The following ZFPM1 variants were observed in gnomAD, a reference collection of about 807,000 sequenced individuals.
The protein encoded by ZFPM1 is zinc finger protein, FOG family member 1, also known as zinc finger protein ZFPM1.
ZFPM1 carries 28 observed loss-of-function variants against 46.3 expected under a neutral mutation model. That is an observed-to-expected ratio of 0.60 (90% CI 0.45 to 0.83). ZFPM1 has a LOEUF of 0.83. Among genes scored for constraint, ZFPM1 ranks in the 40% least tolerant of loss-of-function variants. The probability of loss-of-function intolerance (pLI) is 0.00; values close to 1 mark genes in which losing one functional copy is unlikely to be tolerated. For synonymous variants in ZFPM1, 957 were observed against 675.9 expected (o/e 1.42, Z -6.45); for missense variants, 1,878 against 1,432.4 (o/e 1.31, Z -5.02).
chr16:88,514,614 G>T, intron 4 of ZFPM1, 94 bp downstream of exon 4: 1 of 1,412,598 alleles, frequency 7.1e-7, no homozygotes, highest in Admixed American at 2.6e-5. Context: ...CAGCTCCGGG[G>T]CTCTGGCCAC....
intron 1 of ZFPM1, among the ~76,000 whole-genome samples, chr16:88,457,761 G>C (rs1223150841): frequency 6.6e-6 from 1 of 152,094 alleles, no homozygotes; most frequent in Admixed American, 6.5e-5. Flanking sequence ...AAAGCACTGG[G>C]GTTCCAGACA....
rs1180185038 is a variant in ZFPM1 at position 88,534,619 on chromosome 16, C to T, written c.2661C>T (p.Gly887=). The T allele has an allele frequency of 7.1e-6, 8 of 1,130,486 alleles. No homozygotes were observed. The highest frequency in any genetic ancestry group is 1.7e-5 in the African/African-American group (1 of 60,082). The allele number at this position is 1,130,486 out of a possible 1,614,324, so 70.0% of individuals were successfully genotyped here. ...TGCTGCTCGGCGCGCCCCTGGCCGGCCCGGGGGTCGAGGCCCGGACGCCGG... is the reference window on the plus strand; with the variant it reads ...TGCTGCTCGGCGCGCCCCTGGCCGGTCCGGGGGTCGAGGCCCGGACGCCGG... ...HGLLLGAPLA[G]PGVEARTPAD... Residue 887 remains glycine (G), a synonymous_variant, in exon 10 of 10, where the codon GGC becomes GGT. Coordinates refer to ENST00000319555, the MANE Select transcript of ZFPM1 (RefSeq NM_153813.3).
At chr16:88,527,004 C>T in intron 5 of ZFPM1, 88 bp downstream of exon 5, 1 of 1,479,680 alleles carries the variant, frequency 6.8e-7, no homozygotes, top group South Asian at 1.4e-5. Context: ...AAAGGGAAAC[C>T]AGCCTGCTAG....
chr16:88,473,038 G>A (rs997877081), intron 1 of ZFPM1, among the ~76,000 whole-genome samples: 9 of 152,256 alleles, frequency 5.9e-5, no homozygotes, highest in African/African-American at 1.9e-4. Flanking sequence ...CAGGCCCTGC[G>A]GCGCTGCCGT....
At chr16:88,520,429 AGATG>A (rs904975701) in intron 4 of ZFPM1, among the ~76,000 whole-genome samples, 3 of 144,316 alleles carry the variant, frequency 2.1e-5, no homozygotes, top group African/African-American at 5.2e-5. Flanking sequence ...ATGGGTGGAT[AGATG>A]GATGGATAGG....
rs537301250 is a variant in ZFPM1, at chr16:88,502,449, T to C, written c.269-11938T>C. 1.9e-3 allele frequency among the ~76,000 whole-genome samples: 282 copies of C among 152,124 alleles called. 1 individual carries two copies. Among genetic ancestry groups the C allele is most frequent in the African/African-American group, 6.7e-3 (277 of 41,524 alleles). On this transcript the variant is annotated intron_variant, in intron 3 of 9. Transcript: ENST00000319555. ...TGCCCCTCCATGTCCCCCAACCCCG[T>C]CCCTGTGCCCTGTGGGCCGCCCGGG...
chr16:88,512,618 T>C (rs904197212), intron 3 of ZFPM1, among the ~76,000 whole-genome samples: 27 of 147,718 alleles, frequency 1.8e-4, no homozygotes, highest in African/African-American at 6.7e-4. Context: ...GCTCCAAGCG[T>C]TTCTGACAGT....
At chr16:88,463,737 C>T (rs961300471) in intron 1 of ZFPM1, among the ~76,000 whole-genome samples, 1 of 152,220 alleles carries the variant, frequency 6.6e-6, no homozygotes, top group Non-Finnish European at 1.5e-5. Flanking sequence ...TCATAGGAGA[C>T]CTTTCCCTGC....
chr16:88,521,693 C>T (rs1318116706), intron 4 of ZFPM1, among the ~76,000 whole-genome samples: 1 of 139,820 alleles, frequency 7.2e-6, no homozygotes, highest in Non-Finnish European at 1.6e-5. Context: ...TTCCCTCCCT[C>T]ATGCTGTTCC....
chr16:88,487,292 A>G (rs545422221), intron 2 of ZFPM1, among the ~76,000 whole-genome samples: 3 of 152,274 alleles, frequency 2.0e-5, no homozygotes, highest in Middle Eastern at 3.4e-3. Flanking sequence ...CCCACACTCC[A>G]CTTGCAGCCC....
chr16:88,476,456 G>A (rs1020705486), intron 1 of ZFPM1, among the ~76,000 whole-genome samples: 2 of 152,060 alleles, frequency 1.3e-5, no homozygotes, highest in Admixed American at 6.5e-5. Context: ...GGCGGCCATC[G>A]TGGGAACTGG....
Position 88,471,019 on chromosome 16 carries a change from G to C in ZFPM1, c.41-14920G>C, listed in dbSNP as rs1055422665. On this transcript the variant is annotated intron_variant, in intron 1 of 9. Transcript: ENST00000319555. The surrounding 1 kb of genome is among the most constrained non-coding windows in gnomAD (Gnocchi z 4.1). ...CCAGTACCTCACCCGGTGGGGTCCA[G>C]CCTCCGCGACAGGCATTCCCTTCCC... Among the ~76,000 whole-genome samples, 1 of 152,162 alleles carries C rather than the reference G, an allele frequency of 6.6e-6. No homozygotes were observed. Among genetic ancestry groups the C allele is most frequent in the Non-Finnish European group, 1.5e-5 (1 of 68,020 alleles).
At chr16:88,527,932 C>A in intron 5 of ZFPM1, 100 bp from the exon 6 acceptor site, 1 of 1,237,008 alleles carries the variant, frequency 8.1e-7, no homozygotes, top group South Asian at 1.6e-5. Context: ...GCTGTGAACC[C>A]GGGTGGCCGC....
chr16:88,515,249 C>A (rs989370609), intron 4 of ZFPM1, among the ~76,000 whole-genome samples: 19 of 152,226 alleles, frequency 1.2e-4, no homozygotes, highest in Admixed American at 3.3e-4. Flanking sequence ...CTGGGCCATT[C>A]ACACAGCCTT....
chr16:88,455,563 T>C (rs1907512233), intron 1 of ZFPM1, among the ~76,000 whole-genome samples: 1 of 101,032 alleles, frequency 9.9e-6, no homozygotes, highest in Non-Finnish European at 1.8e-5. Context: ...CCCGCTGCCC[T>C]GGCCTCACCT....
In ZFPM1 at chr16:88,469,633, G is replaced by A. The variant is rs1375676016; in HGVS notation, c.40+15955G>A. On this transcript the variant is annotated intron_variant, in intron 1 of 9. Transcript: ENST00000319555. The surrounding 1 kb of genome is among the most constrained non-coding windows in gnomAD (Gnocchi z 4.3). ...CAGTGGGTCTTGCTGGCAAGACCAG[G>A]ATGAGGCAGGCTCCGCCGGCCTGAG... Among the ~76,000 whole-genome samples, 1 of 152,226 alleles carries A rather than the reference G, an allele frequency of 6.6e-6. No individual in the cohort carries two copies. Among genetic ancestry groups the A allele is most frequent in the Non-Finnish European group, 1.5e-5 (1 of 68,034 alleles).
intron 1 of ZFPM1, among the ~76,000 whole-genome samples, chr16:88,463,050 C>T (rs1440285484): frequency 6.6e-6 from 1 of 152,208 alleles, no homozygotes; most frequent in Non-Finnish European, 1.5e-5. Context: ...TTCCCACTTC[C>T]TTCTGGGCAC....
chr16:88,451,798 G>A (rs565954303), upstream of ZFPM1, among the ~76,000 whole-genome samples: 2 of 152,240 alleles, frequency 1.3e-5, no homozygotes, highest in African/African-American at 4.8e-5. Context: ...TGGAGGACCC[G>A]TATGCCCCTG....
At chr16:88,506,769 G>T (rs1055056718) in intron 3 of ZFPM1, among the ~76,000 whole-genome samples, 3 of 152,184 alleles carry the variant, frequency 2.0e-5, no homozygotes, top group African/African-American at 7.2e-5. Flanking sequence ...GCGCTGGGGG[G>T]ACCCAGGAGG....
Sources: gnomAD v4.1 joint callset for allele counts (sites outside exome capture counted in the v4.1 genomes callset) on GRCh38, gnomAD v4.1.1 for gene constraint, Gnocchi (gnomAD v3.1) non-coding constraint, MANE v1.5 for transcripts, NCBI Gene and HGNC (gene_info 2026-07-23, HGNC 2026-07-21) for gene names.